RELCH: variants seen among roughly 807,000 people sequenced by gnomAD.
RELCH encodes RAB11 binding and LisH domain, coiled-coil and HEAT repeat containing, also known as RAB11-binding protein RELCH.
A neutral mutation model predicts 150.3 loss-of-function variants in RELCH; 41 were observed. That is an observed-to-expected ratio of 0.27 (90% confidence interval 0.21 to 0.35). The LOEUF is 0.35. Ranked by LOEUF, RELCH falls within the 10% of genes least tolerant of loss-of-function variation. RELCH has a pLI of 1.00. For missense variants in RELCH, 1,092 were observed against 1,467.8 expected (o/e 0.74, Z 4.18); for synonymous variants, 478 against 531.8 (o/e 0.90, Z 1.39).
intron 21 of RELCH, 76 bp downstream of exon 21, chr18:62,274,162 A>T (rs969222348): frequency 1.1e-6 from 1 of 872,694 alleles, no homozygotes; most frequent in African/African-American, 1.7e-5. Flanking sequence ...ACATATTTTA[A>T]GTCTAAAAGA....
At chr18:62,256,890 T>TA (rs2043016812) in intron 13 of RELCH, among the ~76,000 whole-genome samples, 1 of 152,092 alleles carries the variant, frequency 6.6e-6, no homozygotes, top group Admixed American at 6.6e-5. Flanking sequence ...ATTTTTAGCC[T>TA]AAAAAGTAAA....
At chr18:62,267,454 G>GTGTA (rs2043632749) in intron 19 of RELCH, among the ~76,000 whole-genome samples, 1 of 147,490 alleles carries the variant, frequency 6.8e-6, no homozygotes, top group South Asian at 2.2e-4. Flanking sequence ...GTGTGTGTGT[G>GTGTA]TATAGAATAT....
chr18:62,189,221 G>A (rs1349726037), intron 1 of RELCH, among the ~76,000 whole-genome samples: 1 of 147,020 alleles, frequency 6.8e-6, no homozygotes, highest in East Asian at 2.0e-4. Context: ...AGACAGTAGT[G>A]TAACAAAATT....
At chr18:62,298,737 A>G (rs2045533042) in intron 27 of RELCH, 53 bp from the exon 28 acceptor site, 1 of 828,420 alleles carries the variant, frequency 1.2e-6, no homozygotes, top group Admixed American at 2.2e-5. Flanking sequence ...AGATTAAACC[A>G]TAGTATTTTA....
In RELCH at chr18:62,221,592, A is replaced by G. The variant is rs1172849831; in HGVS notation, c.858+95A>G. The G allele has an allele frequency of 2.7e-5, 14 of 516,672 alleles. No individual in the cohort carries two copies. The East Asian group carries it at 3.1e-4, about 11-fold the overall frequency. 32.0% of individuals were successfully genotyped at this position (516,672 alleles called of 1,614,324 possible). The stretch of plus-strand genomic sequence containing the variant: ...TTCTTTTTTTTTTTTTTTAAGTTAT[A>G]TATATAGTAAAATTCTACAAGGCTA... On this transcript the variant is annotated intron_variant, in intron 5 of 28. Transcript: ENST00000644646.
At chr18:62,206,835 G>T (rs2039824700) in intron 1 of RELCH, among the ~76,000 whole-genome samples, 1 of 109,630 alleles carries the variant, frequency 9.1e-6, no homozygotes, top group South Asian at 3.2e-4. Flanking sequence ...TCTGTACATT[G>T]TAACTGCTAT....
intron 2 of RELCH, 45 bp downstream of exon 2, chr18:62,211,287 G>C: frequency 3.5e-6 from 4 of 1,153,998 alleles, no homozygotes; most frequent in Non-Finnish European, 5.2e-6. Context: ...TGACATTCCA[G>C]AAATAATGAA....
At chr18:62,252,250 C>T (rs1386825809) in intron 11 of RELCH, among the ~76,000 whole-genome samples, 1 of 151,544 alleles carries the variant, frequency 6.6e-6, no homozygotes, top group East Asian at 1.9e-4. Context: ...CTGCCCGCCT[C>T]AGCCTCCCAA....
At chr18:62,250,260 A>G (rs535788369) in intron 11 of RELCH, among the ~76,000 whole-genome samples, 25 of 152,292 alleles carry the variant, frequency 1.6e-4, no homozygotes, top group Non-Finnish European at 3.2e-4. Flanking sequence ...TTTTCCTATT[A>G]AAGTTTGTAG....
At position 62,258,054 on chromosome 18, in the gene RELCH, T is replaced by C. The variant is rs1407443496; in HGVS notation, c.2003T>C (p.Met668Thr). 6.2e-7 allele frequency: 1 copy of C among 1,605,866 alleles called. No homozygotes were observed. ...EAVIKSLGII[M>T]GYIDDPDKYH... is the part of the protein sequence containing the mutation. ...GTTATCAAAAGCCTTGGTATCATTA[T>C]GGGATACATTGATGATCCAGACAAA... Residue 668 changes from methionine (M) to threonine (T), a missense_variant, in exon 14 of 29, where the codon ATG becomes ACG. By Grantham distance (81) the Met-to-Thr change is moderately conservative (BLOSUM62 -1). Around this residue, in one of 4 missense-constraint regions of RELCH, gnomAD observed 707 missense variants for 1,025.4 expected, o/e 0.69. Coordinates refer to ENST00000644646, the MANE Select transcript of RELCH (RefSeq NM_001346231.2).
chr18:62,299,532 G>A (rs937880122), intron 28 of RELCH, among the ~76,000 whole-genome samples: 4 of 151,964 alleles, frequency 2.6e-5, no homozygotes, highest in Admixed American at 6.6e-5. Flanking sequence ...TCACGCATAC[G>A]CTCCTCCCTA....
chr18:62,267,652 T>G (rs552775247), intron 19 of RELCH, among the ~76,000 whole-genome samples: 4 of 151,662 alleles, frequency 2.6e-5, no homozygotes, highest in African/African-American at 9.7e-5. Context: ...ATTGAAGAGA[T>G]TTGGGGTGTG....
In RELCH at chr18:62,207,747, G is replaced by A. The variant is rs139715137; in HGVS notation, c.527-3406G>A. ...TGGTTCTCTGTGCATTTACAAAATT[G>A]TACAACTGTCACCACTCTAATTCCA... On this transcript the variant is annotated intron_variant, in intron 1 of 28. Coordinates refer to ENST00000644646, the MANE Select transcript of RELCH (RefSeq NM_001346231.2). 2.6e-5 allele frequency among the ~76,000 whole-genome samples: 4 copies of A among 152,090 alleles called. 1 individual carries two copies. The South Asian group carries it at 8.3e-4, about 32-fold the overall frequency.
intron 27 of RELCH, among the ~76,000 whole-genome samples, chr18:62,293,197 A>G (rs2045240369): frequency 6.6e-6 from 1 of 152,232 alleles, no homozygotes; most frequent in Admixed American, 6.5e-5. Flanking sequence ...CTCAAAGGCT[A>G]TATTACATAT....
intron 17 of RELCH, among the ~76,000 whole-genome samples, chr18:62,264,431 T>C (rs1052843620): frequency 7.9e-5 from 12 of 152,076 alleles, no homozygotes; most frequent in African/African-American, 2.4e-4. Flanking sequence ...AATGATGCCA[T>C]GTAAAGCCAA....
At chr18:62,266,966 A>G (rs535706886) in intron 19 of RELCH, among the ~76,000 whole-genome samples, 2 of 152,074 alleles carry the variant, frequency 1.3e-5, no homozygotes, top group African/African-American at 4.8e-5. Flanking sequence ...GATTGTGAAT[A>G]TATACCTTCA....
At chr18:62,299,641 T>G (rs2045579305) in intron 28 of RELCH, among the ~76,000 whole-genome samples, 1 of 152,194 alleles carries the variant, frequency 6.6e-6, no homozygotes, top group African/African-American at 2.4e-5. Context: ...ATATCCATTT[T>G]AACCACAGAG....
chr18:62,190,823 G>A (rs1457597942), intron 1 of RELCH, among the ~76,000 whole-genome samples: 1 of 152,076 alleles, frequency 6.6e-6, no homozygotes, highest in Non-Finnish European at 1.5e-5. Context: ...GATGCCTTTA[G>A]CAACCACCCC....
At chr18:62,269,394 T>G (rs2043765978) in intron 20 of RELCH, 3 of 426,944 alleles carry the variant, frequency 7.0e-6, no homozygotes, top group South Asian at 3.4e-5. Flanking sequence ...TTTCAGATTT[T>G]GGATTTTTTT....
Sources: gnomAD v4.1 joint callset for allele counts (sites outside exome capture counted in the v4.1 genomes callset) on GRCh38, gnomAD v4.1.1 for gene constraint, gnomAD v4.1.1 regional missense constraint, MANE v1.5 for transcripts, NCBI Gene and HGNC (gene_info 2026-07-23, HGNC 2026-07-21) for gene names.